The following FBN1 variants were observed in gnomAD, a reference collection of about 807,000 sequenced individuals.
FBN1 encodes fibrillin-1.
A neutral mutation model predicts 365.1 loss-of-function variants in FBN1; 29 were observed. That is an observed-to-expected ratio of 0.08 (90% CI 0.06 to 0.11). The LOEUF (loss-of-function observed/expected upper bound fraction) is 0.11. Ranked by LOEUF, FBN1 falls within the 10% of genes least tolerant of loss-of-function variation. The pLI is 1.00. For synonymous variants in FBN1, 1,210 were observed against 1,270.5 expected (o/e 0.95, Z 1.01); for missense variants, 2,476 against 3,703.2 (o/e 0.67, Z 8.60).
chr15:48,504,891 C>G, intron 16 of FBN1, 134 bp downstream of exon 16: 1 of 1,154,628 alleles, frequency 8.7e-7, no homozygotes. Context: ...AGAGAACTGA[C>G]CCTGTTGGTT....
intron 6 of FBN1, among the ~76,000 whole-genome samples, chr15:48,579,720 G>C (rs1157974155): frequency 6.6e-6 from 1 of 152,174 alleles, no homozygotes; most frequent in Non-Finnish European, 1.5e-5. Flanking sequence ...AAGCTACTAA[G>C]TTATAAATCA....
chr15:48,534,913 G>A (rs1258107484), intron 7 of FBN1, among the ~76,000 whole-genome samples: 1 of 152,194 alleles, frequency 6.6e-6, no homozygotes, highest in East Asian at 1.9e-4. Flanking sequence ...GTGAGATCAT[G>A]TCTTTCCCCA....
intron 6 of FBN1, among the ~76,000 whole-genome samples, chr15:48,545,439 T>C (rs1024729459): frequency 3.4e-4 from 52 of 152,274 alleles, no homozygotes; most frequent in African/African-American, 1.2e-3. Context: ...AAGGCATATG[T>C]TGGTAAAGAG....
rs1401267134 is a variant in FBN1 at position 48,468,837 on chromosome 15, G to A, written c.4460-303C>T. 2.0e-5 allele frequency among the ~76,000 whole-genome samples: 3 copies of A among 151,944 alleles called. No individual in the cohort carries two copies. The South Asian group carries it at 6.2e-4, about 31-fold the overall frequency. Reference sequence around the variant, plus strand: ...TAATCCCAGCACTTTGGGAGGCCGAGGCAGGCAGATCACGAGGTCAGGAGA... The same window carrying A: ...TAATCCCAGCACTTTGGGAGGCCGAAGCAGGCAGATCACGAGGTCAGGAGA... On this transcript the variant is annotated intron_variant, in intron 36 of 65. Coordinates refer to ENST00000316623, the MANE Select transcript of FBN1 (RefSeq NM_000138.5).
rs1597531680 is a variant in FBN1 at position 48,444,529 on chromosome 15, T to A, written c.6037+12A>T. The stretch of plus-strand genomic sequence containing the variant: ...GACACTCCTCATTTGCTACAACTGA[T>A]AGCTTTCCTACCTTCACACTTCTCA... On this transcript the variant is annotated intron_variant, in intron 49 of 65. Transcript: ENST00000316623. 1.9e-6 allele frequency: 3 copies of A among 1,613,134 alleles called. No homozygotes were observed. In the African/African-American group the frequency reaches 4.0e-5, roughly 22 times the overall value.
chr15:48,448,184 C>T (rs1020861247), intron 46 of FBN1, among the ~76,000 whole-genome samples: 6 of 149,764 alleles, frequency 4.0e-5, no homozygotes, highest in Non-Finnish European at 8.9e-5. Flanking sequence ...TTCTTAATGT[C>T]CCAAAAAGAC....
At chr15:48,556,507 T>A (rs2044181906) in intron 6 of FBN1, among the ~76,000 whole-genome samples, 1 of 152,232 alleles carries the variant, frequency 6.6e-6, no homozygotes, top group South Asian at 2.1e-4. Context: ...TAGAATTAAG[T>A]GGAAAAGTGC....
At position 48,487,420 on chromosome 15, in the gene FBN1, T is replaced by C; in HGVS notation, c.3355A>G (p.Arg1119Gly). 4 of 1,614,102 alleles carry C rather than the reference T, an allele frequency of 2.5e-6. No individual in the cohort carries two copies. Among genetic ancestry groups the C allele is most frequent in the Non-Finnish European group, 3.4e-6 (4 of 1,180,014 alleles). The part of the protein sequence containing the change: ...KNCMDIDECQ[R>G]DPLLCRGGVC... ...CCACCTCGGCATAGGAGAGGATCTC[T>C]CTGACACTCATCAATATCTGCAAAA... The change falls in exon 28 of 66, where the codon AGA becomes GGA. Residue 1119 changes from arginine to glycine, a missense_variant. This residue lies in a region of FBN1 where 1,780 missense variants were observed against 2,840.8 expected (regional missense o/e 0.63). Transcript: ENST00000316623.
chr15:48,447,033 G>T (rs1029282602), intron 46 of FBN1, among the ~76,000 whole-genome samples: 1 of 152,114 alleles, frequency 6.6e-6, no homozygotes, highest in Non-Finnish European at 1.5e-5. Context: ...GGTTTCCTTG[G>T]CTGGCCAGTG....
At chr15:48,453,292 A>T (rs1358242675) in intron 44 of FBN1, among the ~76,000 whole-genome samples, 3 of 99,270 alleles carry the variant, frequency 3.0e-5, no homozygotes, top group African/African-American at 4.1e-5. Context: ...AAATAAAACA[A>T]ACAAAAAAAA....
chr15:48,467,645 C>T (rs548278754), intron 38 of FBN1, among the ~76,000 whole-genome samples: 3 of 152,284 alleles, frequency 2.0e-5, no homozygotes, highest in Admixed American at 2.0e-4. Context: ...ATCAATGTGT[C>T]CCTGGAACGT....
At chr15:48,607,699 G>T (rs905449014) in intron 4 of FBN1, among the ~76,000 whole-genome samples, 2 of 152,034 alleles carry the variant, frequency 1.3e-5, no homozygotes, top group African/African-American at 4.8e-5. Context: ...GTTTATAAAT[G>T]ACCCAGTCTA....
chr15:48,437,524 G>C (rs1313713201), intron 51 of FBN1, 137 bp from the exon 52 acceptor site: 1 of 881,540 alleles, frequency 1.1e-6, no homozygotes, highest in Admixed American at 2.0e-5. Flanking sequence ...AGAAACCAGA[G>C]GAAGTTATTT....
At chr15:48,509,529 A>ATAT (rs1255138180) in intron 14 of FBN1, among the ~76,000 whole-genome samples, 1 of 148,012 alleles carries the variant, frequency 6.8e-6, no homozygotes, top group Non-Finnish European at 1.5e-5. Flanking sequence ...TATTTTATGA[A>ATAT]TATTATCTAT....
chr15:48,605,335 T>A (rs534596361), intron 4 of FBN1, among the ~76,000 whole-genome samples: 1 of 151,804 alleles, frequency 6.6e-6, no homozygotes, highest in African/African-American at 2.4e-5. Context: ...AATCTAGGAG[T>A]AGACAAAGCA....
At chr15:48,643,757 G>A (rs1253312289) in intron 2 of FBN1, 2 of 152,116 alleles carry the variant, frequency 1.3e-5, no homozygotes, top group Non-Finnish European at 2.9e-5. Context: ...AGTCCATCCT[G>A]TTGTTTCCAT....
intron 4 of FBN1, among the ~76,000 whole-genome samples, chr15:48,604,833 T>C (rs1045905284): frequency 6.6e-6 from 1 of 152,198 alleles, no homozygotes; most frequent in Non-Finnish European, 1.5e-5. Flanking sequence ...GGTTGCACCA[T>C]ACTCCCTCAA....
Position 48,452,642 on chromosome 15 carries a change from G to C in FBN1, c.5465C>G (p.Ala1822Gly). 3.7e-6 allele frequency: 6 copies of C among 1,614,164 alleles called. No homozygotes were observed. Among genetic ancestry groups the C allele is most frequent in the Non-Finnish European group, 5.1e-6 (6 of 1,180,008 alleles). The change falls in exon 45 of 66, where the codon GCC (alanine) becomes GGC (glycine). Residue 1822 changes from alanine (A) to glycine (G), a missense_variant. Ala to Gly is a moderately conservative substitution (Grantham distance 60). Transcript: ENST00000316623. ...GCTGCCTGCAGTGTTGATGCATTCGGCGTTGCGCTGGCACACTGGGCCGTT... is the reference window on the plus strand; with the variant it reads ...GCTGCCTGCAGTGTTGATGCATTCGCCGTTGCGCTGGCACACTGGGCCGTT... ...CQNGPVCQRNAECINTAGSYR... is the reference protein window; with the variant it reads ...CQNGPVCQRNGECINTAGSYR...
chr15:48,500,539 G>C (rs1319053497), intron 17 of FBN1, among the ~76,000 whole-genome samples: 1 of 152,242 alleles, frequency 6.6e-6, no homozygotes, highest in African/African-American at 2.4e-5. Context: ...TTTAATGATT[G>C]AACGTGTACT....
Sources: gnomAD v4.1 joint callset for allele counts (sites outside exome capture counted in the v4.1 genomes callset) on GRCh38, gnomAD v4.1.1 for gene constraint, gnomAD v4.1.1 regional missense constraint, MANE v1.5 for transcripts, NCBI Gene and HGNC (gene_info 2026-07-23, HGNC 2026-07-21) for gene names.